Variants in RBFOX1 observed in about 807,000 individuals in gnomAD.
RBFOX1 encodes the protein RNA binding protein fox-1 homolog 1.
Under a neutral mutation model 57.7 loss-of-function variants are expected in RBFOX1, and 8 were observed. The observed-to-expected ratio is 0.14, with a 90% CI of 0.08 to 0.25. The LOEUF is 0.25. RBFOX1 is among the 10% of genes least tolerant of loss of function. The pLI, the probability that RBFOX1 is intolerant of heterozygous loss-of-function variation, is 1.00. For synonymous variants in RBFOX1, 326 were observed against 222.4 expected (o/e 1.47, Z -4.15); for missense variants, 611 against 548.5 (o/e 1.11, Z -1.14).
At chr16:6,651,983 A>G (rs146246655) in intron 2 of RBFOX1, among the ~76,000 whole-genome samples, 271 of 152,350 alleles carry the variant, frequency 1.8e-3, no homozygotes, top group Non-Finnish European at 2.7e-3. Context: ...CAAATGTTGT[A>G]TGATTCCACT....
intron 1 of RBFOX1, among the ~76,000 whole-genome samples, chr16:6,074,635 C>G (rs574639582): frequency 6.6e-6 from 1 of 152,068 alleles, no homozygotes; most frequent in African/African-American, 2.4e-5. Context: ...AACGCAACAA[C>G]CAAAAGTGGT....
intron 3 of RBFOX1, among the ~76,000 whole-genome samples, chr16:5,813,655 G>A (rs540392245): frequency 1.1e-4 from 16 of 152,344 alleles, no homozygotes; most frequent in African/African-American, 3.8e-4. Flanking sequence ...CAGGGATCCT[G>A]TATCAGGTAT....
At chr16:6,803,508 A>G (rs1029255120) in intron 3 of RBFOX1, among the ~76,000 whole-genome samples, 3 of 152,180 alleles carry the variant, frequency 2.0e-5, no homozygotes, top group Non-Finnish European at 4.4e-5. Context: ...CAATCTGTGT[A>G]TAATCTAGAT....
At chr16:7,096,472 C>G (rs554439567) in intron 4 of RBFOX1, among the ~76,000 whole-genome samples, 2 of 152,074 alleles carry the variant, frequency 1.3e-5, no homozygotes, top group African/African-American at 2.4e-5. Context: ...GGTGGGTGGA[C>G]CACACTCATC....
chr16:6,854,546 T>G (rs905111755), intron 3 of RBFOX1, among the ~76,000 whole-genome samples: 1 of 150,524 alleles, frequency 6.6e-6, no homozygotes. Context: ...CGACATCTTC[T>G]GAACCTCACG....
intron 1 of RBFOX1, among the ~76,000 whole-genome samples, chr16:6,080,262 A>G (rs995056193): frequency 1.3e-5 from 2 of 151,902 alleles, no homozygotes; most frequent in African/African-American, 4.8e-5. Context: ...TCTCGTGTGG[A>G]TCATCTGTTA....
chr16:5,579,683 G>A (rs1448170482), intron 2 of RBFOX1, among the ~76,000 whole-genome samples: 1 of 151,988 alleles, frequency 6.6e-6, no homozygotes, highest in Non-Finnish European at 1.5e-5. Context: ...ACCAGGTAAG[G>A]TCTTGAAGCT....
At chr16:5,760,460 G>A (rs3848385) in intron 3 of RBFOX1, among the ~76,000 whole-genome samples, 37,199 of 151,968 alleles carry the variant, frequency 0.24, 5,309 homozygotes, top group East Asian at 0.56. Flanking sequence ...GTCCATATAC[G>A]TGAGTAGCAG....
intron 12 of RBFOX1, among the ~76,000 whole-genome samples, chr16:7,661,681 T>G (rs994468102): frequency 8.5e-5 from 13 of 152,214 alleles, no homozygotes; most frequent in African/African-American, 3.1e-4. Flanking sequence ...TGAGGGGGCT[T>G]TCTTCTTCGG....
intron 4 of RBFOX1, among the ~76,000 whole-genome samples, chr16:7,398,700 T>C (rs2098183787): frequency 6.6e-6 from 1 of 152,206 alleles, no homozygotes; most frequent in South Asian, 2.1e-4. Context: ...ACCAGGCAAC[T>C]TCCGTAGTCG....
chr16:6,960,592 C>T (rs28663385), intron 3 of RBFOX1, among the ~76,000 whole-genome samples: 1 of 152,086 alleles, frequency 6.6e-6, no homozygotes. Context: ...CTTCCAAACT[C>T]TGCAGAGGAG....
chr16:7,639,370 G>A (rs150236808), intron 11 of RBFOX1, among the ~76,000 whole-genome samples: 20 of 152,246 alleles, frequency 1.3e-4, no homozygotes, highest in African/African-American at 4.8e-4. Context: ...TCAGCATTAC[G>A]GTGGCAGCCT....
chr16:6,052,666 C>A (rs1596727779), intron 1 of RBFOX1, among the ~76,000 whole-genome samples: 1 of 151,818 alleles, frequency 6.6e-6, no homozygotes, highest in Non-Finnish European at 1.5e-5. Flanking sequence ...CGCCTGTAGT[C>A]CCAGCTACTC....
intron 11 of RBFOX1, among the ~76,000 whole-genome samples, chr16:7,638,362 G>C (rs955254287): frequency 6.6e-6 from 1 of 152,178 alleles, no homozygotes; most frequent in Non-Finnish European, 1.5e-5. Flanking sequence ...CACCCAGCTA[G>C]ATCAGCTTTG....
intron 3 of RBFOX1, among the ~76,000 whole-genome samples, chr16:6,706,349 C>T (rs1398351257): frequency 1.3e-5 from 2 of 152,150 alleles, no homozygotes; most frequent in African/African-American, 2.4e-5. Flanking sequence ...TATTAATGTG[C>T]AAAACTGTTA....
intron 4 of RBFOX1, among the ~76,000 whole-genome samples, chr16:7,076,933 A>G (rs138296029): frequency 5.3e-5 from 8 of 152,222 alleles, no homozygotes; most frequent in African/African-American, 1.4e-4. Flanking sequence ...CTTTCTAACA[A>G]TTTTCTAACA....
intron 2 of RBFOX1, among the ~76,000 whole-genome samples, chr16:6,588,232 G>GA (rs879864724): frequency 4.4e-4 from 63 of 142,012 alleles, no homozygotes; most frequent in South Asian, 1.1e-3. Flanking sequence ...TGTGTCTCGG[G>GA]AAAAAAAAAA....
At chr16:7,483,402 T>C (rs12924463) in intron 4 of RBFOX1, among the ~76,000 whole-genome samples, 54,005 of 152,078 alleles carry the variant, frequency 0.36, 11,580 homozygotes, top group Non-Finnish European at 0.49. Context: ...TTTCCCTTAC[T>C]TGTGAAAGAT....
intron 3 of RBFOX1, among the ~76,000 whole-genome samples, chr16:5,707,826 G>A (rs1348249240): frequency 6.6e-6 from 1 of 152,210 alleles, no homozygotes; most frequent in Non-Finnish European, 1.5e-5. Flanking sequence ...GATTTATTAG[G>A]AAGGAAGTAG....
Sources: allele counts gnomAD v4.1 joint callset (sites outside exome capture counted in the v4.1 genomes callset), GRCh38; gene constraint gnomAD v4.1.1; transcripts MANE v1.5; gene names NCBI Gene and HGNC (gene_info 2026-07-23, HGNC 2026-07-21).